Variants in SOX6 observed in about 807,000 individuals in gnomAD.
SOX6 encodes the protein SRY-box transcription factor 6, also known as transcription factor SOX-6.
In SOX6, 11 loss-of-function variants were observed where a neutral mutation model predicts 97.8. The observed-to-expected ratio is 0.11, with a 90% CI of 0.07 to 0.19. The LOEUF (loss-of-function observed/expected upper bound fraction) is 0.19, where lower values mean the gene tolerates loss of function less well. Ranked by LOEUF, SOX6 falls within the 10% of genes least tolerant of loss-of-function variation. The pLI is 1.00. For synonymous variants in SOX6, 360 were observed against 371.4 expected, an observed-to-expected ratio of 0.97 and a Z score of 0.35; for missense variants, 810 against 1,039.5, an observed-to-expected ratio of 0.78 and a Z score of 3.04.
rs1349201163 is a variant in SOX6, at chr11:16,398,829, AC to A, written c.-4-57578del. ...AGATAAAGGCTATGGAAAAAAAAAAACCATAAAAACCTAAAGGAAAACCCTT... is the reference window on the plus strand; with the variant it reads ...AGATAAAGGCTATGGAAAAAAAAAAACATAAAAACCTAAAGGAAAACCCTT... On this transcript the variant is annotated intron_variant, in intron 1 of 15. Transcript: ENST00000396356. 4.1e-3 allele frequency among the ~76,000 whole-genome samples: 592 copies of A among 144,904 alleles called. 4 individuals are homozygous for A. The highest frequency in any genetic ancestry group is 0.014 in the African/African-American group (573 of 39,592).
At chr11:16,382,959 C>T (rs1338544210) in intron 1 of SOX6, among the ~76,000 whole-genome samples, 2 of 151,770 alleles carry the variant, frequency 1.3e-5, no homozygotes. Flanking sequence ...ACTTTTTGCT[C>T]CCTTTTCATG....
At chr11:16,330,324 C>T (rs1350636053) in intron 2 of SOX6, among the ~76,000 whole-genome samples, 1 of 152,196 alleles carries the variant, frequency 6.6e-6, no homozygotes, top group South Asian at 2.1e-4. Context: ...GAGGCCGAGG[C>T]GGGCAAATCA....
At chr11:16,536,376 C>T (rs756372189) in intron 4 of SOX6, among the ~76,000 whole-genome samples, 1 of 152,124 alleles carries the variant, frequency 6.6e-6, no homozygotes, top group Non-Finnish European at 1.5e-5. Flanking sequence ...CTGCAGCTCC[C>T]GGCGAGATTG....
intron 6 of SOX6, among the ~76,000 whole-genome samples, chr11:16,170,634 G>T (rs1851014103): frequency 6.6e-6 from 1 of 152,006 alleles, no homozygotes; most frequent in Non-Finnish European, 1.5e-5. Flanking sequence ...GGACGGACTT[G>T]CTGTCCTCTT....
intron 3 of SOX6, among the ~76,000 whole-genome samples, chr11:16,685,292 C>T (rs1564868816): frequency 1.3e-5 from 2 of 152,158 alleles, no homozygotes; most frequent in Non-Finnish European, 2.9e-5. Flanking sequence ...TCAAAAGTTC[C>T]CAGTCCCAAG....
In SOX6 at chr11:16,399,319, C is replaced by G. The variant is rs1258421033; in HGVS notation, c.-4-58067G>C. Among the ~76,000 whole-genome samples the G allele has an allele frequency of 2.0e-5, 3 of 150,562 alleles. 1 individual carries two copies. On this transcript the variant is annotated intron_variant, in intron 1 of 15. Transcript: ENST00000396356. Reference sequence around the variant, plus strand: ...ATTAACATCCATAGATAACTTAAAGCAGTAATATTTTTATTGTTTTATATT... The same window carrying G: ...ATTAACATCCATAGATAACTTAAAGGAGTAATATTTTTATTGTTTTATATT...
chr11:15,993,354 A>G (rs545220273), intron 13 of SOX6, among the ~76,000 whole-genome samples: 1 of 152,324 alleles, frequency 6.6e-6, no homozygotes, highest in African/African-American at 2.4e-5. Flanking sequence ...CTGCATCAGA[A>G]TCCAGAACTT....
At chr11:16,279,680 A>T (rs1348821026) in intron 3 of SOX6, among the ~76,000 whole-genome samples, 1 of 152,098 alleles carries the variant, frequency 6.6e-6, no homozygotes, top group Non-Finnish European at 1.5e-5. Context: ...ATGCTAGGTA[A>T]ATATGCTGAA....
intron 4 of SOX6, among the ~76,000 whole-genome samples, chr11:16,527,110 T>A (rs1038207073): frequency 1.3e-5 from 2 of 152,010 alleles, no homozygotes; most frequent in African/African-American, 4.8e-5. Flanking sequence ...ATTGCAAGTA[T>A]CCTGACTGGC....
At chr11:16,391,695 G>C (rs1475582216) in intron 1 of SOX6, among the ~76,000 whole-genome samples, 1 of 152,040 alleles carries the variant, frequency 6.6e-6, no homozygotes, top group Non-Finnish European at 1.5e-5. Flanking sequence ...AAGTGAAGAT[G>C]AAAATGAGTA....
upstream of SOX6, among the ~76,000 whole-genome samples, chr11:16,357,398 G>T (rs1857102404): frequency 6.6e-6 from 1 of 152,124 alleles, no homozygotes; most frequent in East Asian, 1.9e-4. Flanking sequence ...GAGGGGCCCA[G>T]AGCACTGAAG....
chr11:15,978,974 G>C (rs1437591232), intron 15 of SOX6, among the ~76,000 whole-genome samples: 1 of 116,814 alleles, frequency 8.6e-6, no homozygotes, highest in Non-Finnish European at 1.9e-5. Context: ...TTATATATAT[G>C]AGCATATATA....
rs137957809 is a variant in SOX6 at position 16,400,414 on chromosome 11, T to C, written c.-4-59162A>G. Reference sequence around the variant, plus strand: ...CTTATACTACAATCATGGGAGTTATTTTTCACCCATGTTAACATTTTTACC... The same window carrying C: ...CTTATACTACAATCATGGGAGTTATCTTTCACCCATGTTAACATTTTTACC... On this transcript the variant is annotated intron_variant, in intron 1 of 15. Transcript: ENST00000396356. Among the ~76,000 whole-genome samples the C allele has an allele frequency of 8.6e-3, 1,302 of 151,560 alleles. 20 individuals carry two copies. Among genetic ancestry groups the C allele is most frequent in the African/African-American group, 0.03 (1,245 of 41,456 alleles).
intron 6 of SOX6, among the ~76,000 whole-genome samples, chr11:16,138,375 A>G (rs7932204): frequency 0.056 from 8,453 of 152,132 alleles, 623 homozygotes; most frequent in East Asian, 0.37. Context: ...AGTGATTCTG[A>G]TGCCTTCACT....
chr11:16,322,266 C>G (rs1855950677), intron 2 of SOX6, among the ~76,000 whole-genome samples: 1 of 152,070 alleles, frequency 6.6e-6, no homozygotes, highest in African/African-American at 2.4e-5. Context: ...TGGAGGCAGA[C>G]TTTCCCCTTG....
intron 3 of SOX6, among the ~76,000 whole-genome samples, chr11:16,276,586 A>G (rs1854407156): frequency 6.6e-6 from 1 of 152,156 alleles, no homozygotes; most frequent in Non-Finnish European, 1.5e-5. Context: ...GTCATGCACC[A>G]TCCACTGCTC....
At chr11:16,491,498 C>CTGTG (rs200379983) in intron 4 of SOX6, among the ~76,000 whole-genome samples, 88 of 151,612 alleles carry the variant, frequency 5.8e-4, no homozygotes, top group East Asian at 3.3e-3. Context: ...TTCCAACAGT[C>CTGTG]TATGTGTGTG....
intron 4 of SOX6, among the ~76,000 whole-genome samples, chr11:16,493,322 G>C (rs1320602197): frequency 1.3e-5 from 2 of 152,058 alleles, no homozygotes; most frequent in Non-Finnish European, 2.9e-5. Flanking sequence ...GAAATGAAAG[G>C]ATCCAGAAAC....
intron 3 of SOX6, among the ~76,000 whole-genome samples, chr11:16,268,680 T>G (rs1322276660): frequency 6.6e-6 from 1 of 151,186 alleles, no homozygotes; most frequent in Admixed American, 6.6e-5. Flanking sequence ...TAATTGAAAA[T>G]AGTATCTCTT....
Sources: gnomAD v4.1 joint callset for allele counts (sites outside exome capture counted in the v4.1 genomes callset) on GRCh38, gnomAD v4.1.1 for gene constraint, MANE v1.5 for transcripts, NCBI Gene and HGNC (gene_info 2026-07-23, HGNC 2026-07-21) for gene names.